C1orf21: variants seen among roughly 807,000 people sequenced by gnomAD.
The protein encoded by C1orf21 is chromosome 1 open reading frame 21, also known as uncharacterized protein C1orf21.
Under a neutral mutation model 18.7 loss-of-function variants are expected in C1orf21, and 3 were observed. The observed-to-expected ratio is 0.16, with a 90% CI of 0.07 to 0.42. The LOEUF (loss-of-function observed/expected upper bound fraction) is 0.42, where lower values mean the gene tolerates loss of function less well. C1orf21 is among the 10% of genes least tolerant of loss of function. C1orf21 has a pLI of 0.99. For missense variants in C1orf21, 104 were observed against 143.6 expected (o/e 0.72, Z 1.41); for synonymous variants, 41 against 46.4 (o/e 0.88, Z 0.47).
At chr1:184,423,147 C>T (rs1656572728) in intron 1 of C1orf21, among the ~76,000 whole-genome samples, 1 of 152,134 alleles carries the variant, frequency 6.6e-6, no homozygotes, top group Admixed American at 6.5e-5. Flanking sequence ...TTATGATAAG[C>T]AATAAACAAT....
At chr1:184,542,685 C>T (rs192672981) in intron 3 of C1orf21, 2 of 152,240 alleles carry the variant, frequency 1.3e-5, no homozygotes, top group African/African-American at 2.4e-5. Context: ...AGTGCTTATA[C>T]GTAGATGAGT....
At chr1:184,575,531 A>T (rs1659173135) in intron 3 of C1orf21, among the ~76,000 whole-genome samples, 1 of 151,972 alleles carries the variant, frequency 6.6e-6, no homozygotes, top group Non-Finnish European at 1.5e-5. Flanking sequence ...GAAGTGCTAG[A>T]AGAAGTAATA....
chr1:184,532,700 C>T (rs1658486468), intron 3 of C1orf21, among the ~76,000 whole-genome samples: 1 of 152,200 alleles, frequency 6.6e-6, no homozygotes, highest in Non-Finnish European at 1.5e-5. Context: ...TGAGCTATGA[C>T]TGTGCCACTG....
chr1:184,462,804 G>A (rs1174859582), intron 1 of C1orf21, among the ~76,000 whole-genome samples: 1 of 152,072 alleles, frequency 6.6e-6, no homozygotes, highest in Non-Finnish European at 1.5e-5. Flanking sequence ...GTGTTCGGCC[G>A]GGTGTGGTGG....
chr1:184,484,247 T>A (rs1271992225), intron 2 of C1orf21, among the ~76,000 whole-genome samples: 5 of 152,110 alleles, frequency 3.3e-5, no homozygotes, highest in Non-Finnish European at 4.4e-5. Flanking sequence ...ATGATCGCCT[T>A]CTTCAGTCAA....
chr1:184,621,963 T>C lies in C1orf21; in HGVS notation c.*2407T>C, dbSNP rs1244356240. On this transcript the variant is annotated 3_prime_UTR_variant, in exon 6 of 6. Coordinates refer to ENST00000235307, the MANE Select transcript of C1orf21 (RefSeq NM_030806.4). ...GAGTGGGTCCGCACGAAATGCTTGATTATGTCAGCAACACCCAACACTGTC... is the reference window on the plus strand; with the variant it reads ...GAGTGGGTCCGCACGAAATGCTTGACTATGTCAGCAACACCCAACACTGTC... The C allele has an allele frequency of 6.6e-6, 1 of 152,210 alleles. No homozygotes were observed. The highest frequency in any genetic ancestry group is 1.5e-5 in the Non-Finnish European group (1 of 68,036). The allele number at this position is 152,210 out of a possible 1,614,324, so 9.4% of individuals were successfully genotyped here. A position where few individuals can be genotyped will look rare whatever the true frequency, so the allele number is the denominator to read the frequency against.
chr1:184,478,498 G>C (rs1482465608), intron 2 of C1orf21, among the ~76,000 whole-genome samples: 2 of 152,106 alleles, frequency 1.3e-5, no homozygotes, highest in Non-Finnish European at 2.9e-5. Context: ...TTCTTCAAAA[G>C]AGCTGGCAGC....
At chr1:184,593,376 G>A (rs1404985408) in intron 4 of C1orf21, among the ~76,000 whole-genome samples, 1 of 152,122 alleles carries the variant, frequency 6.6e-6, no homozygotes, top group Non-Finnish European at 1.5e-5. Flanking sequence ...TTTCTGGAGG[G>A]CCAAGAGAAG....
chr1:184,515,145 T>C (rs1360879812), intron 3 of C1orf21, among the ~76,000 whole-genome samples: 1 of 152,224 alleles, frequency 6.6e-6, no homozygotes, highest in African/African-American at 2.4e-5. Context: ...ATGCCATTCT[T>C]GGCTATTTTC....
At chr1:184,550,889 G>C (rs746673382) in intron 3 of C1orf21, among the ~76,000 whole-genome samples, 1 of 152,154 alleles carries the variant, frequency 6.6e-6, no homozygotes, top group Non-Finnish European at 1.5e-5. Context: ...GCCATAACTG[G>C]CTGTCTAGAG....
chr1:184,399,691 A>ATCACAT (rs1656119013), intron 1 of C1orf21, among the ~76,000 whole-genome samples: 1 of 152,190 alleles, frequency 6.6e-6, no homozygotes, highest in Admixed American at 6.5e-5. Context: ...ATCAGGAGGC[A>ATCACAT]CACATGCCTT....
At chr1:184,500,074 G>T (rs943077167) in intron 2 of C1orf21, among the ~76,000 whole-genome samples, 1 of 152,146 alleles carries the variant, frequency 6.6e-6, no homozygotes, top group Middle Eastern at 3.2e-3. Context: ...TCTGGAAGTG[G>T]CTCTGAATCC....
At chr1:184,473,995 G>T (rs1469148378) in intron 1 of C1orf21, among the ~76,000 whole-genome samples, 1 of 152,118 alleles carries the variant, frequency 6.6e-6, no homozygotes, top group African/African-American at 2.4e-5. Context: ...ATGAATAATT[G>T]GACAAGTGTT....
At chr1:184,446,248 G>A (rs1211391794) in intron 1 of C1orf21, among the ~76,000 whole-genome samples, 1 of 151,980 alleles carries the variant, frequency 6.6e-6, no homozygotes, top group Non-Finnish European at 1.5e-5. Context: ...TCAGAGTAGA[G>A]TATACAGTCA....
rs1401908030 is a variant in C1orf21 at position 184,477,574 on chromosome 1, A to G, written c.65A>G (p.Lys22Arg). 2 of 1,613,922 alleles carry G rather than the reference A, an allele frequency of 1.2e-6. No homozygotes were observed. Among genetic ancestry groups the G allele is most frequent in the African/African-American group, 2.7e-5 (2 of 74,926 alleles). ...AATGAAGAGGAAGCCCAGAAAGGGA[A>G]AAACTACCAGAACGGAGATGTGTTT... The part of the protein sequence containing the change: ...VQNEEEAQKG[K>R]NYQNGDVFGD... Residue 22 changes from lysine to arginine, a missense_variant, in exon 2 of 6, where the codon AAA becomes AGA. Coordinates refer to ENST00000235307, the MANE Select transcript of C1orf21 (RefSeq NM_030806.4).
At chr1:184,594,266 C>G (rs1659484434) in intron 4 of C1orf21, among the ~76,000 whole-genome samples, 1 of 152,064 alleles carries the variant, frequency 6.6e-6, no homozygotes, top group African/African-American at 2.4e-5. Context: ...GTGTTCAGGC[C>G]AAGATTTACC....
chr1:184,506,408 T>C (rs1353634270), intron 2 of C1orf21, among the ~76,000 whole-genome samples: 3 of 152,130 alleles, frequency 2.0e-5, no homozygotes, highest in Non-Finnish European at 4.4e-5. Flanking sequence ...TAGAAAGTGG[T>C]GTTATAGATA....
At chr1:184,581,224 C>G (rs541064337) in intron 3 of C1orf21, among the ~76,000 whole-genome samples, 1 of 152,206 alleles carries the variant, frequency 6.6e-6, no homozygotes, top group South Asian at 2.1e-4. Flanking sequence ...GTTGGGAGTT[C>G]CAGACCAGCC....
intron 1 of C1orf21, among the ~76,000 whole-genome samples, chr1:184,465,352 A>G (rs906454920): frequency 6.6e-6 from 1 of 152,208 alleles, no homozygotes; most frequent in South Asian, 2.1e-4. Context: ...ATTGGACATG[A>G]CTATGTGAGT....
Sources: allele counts gnomAD v4.1 joint callset (sites outside exome capture counted in the v4.1 genomes callset), GRCh38; gene constraint gnomAD v4.1.1; transcripts MANE v1.5; gene names NCBI Gene and HGNC (gene_info 2026-07-23, HGNC 2026-07-21).